DCDC1: variants seen among roughly 807,000 people sequenced by gnomAD.
The protein encoded by DCDC1 is doublecortin domain containing 1, also known as doublecortin domain-containing protein 1.
DCDC1 carries 200 observed loss-of-function variants against 178.3 expected under a neutral mutation model. The ratio of observed to expected loss-of-function variants is 1.12; its 90% confidence interval spans 1.00 to 1.26. The LOEUF (loss-of-function observed/expected upper bound fraction) is 1.26, where lower values mean the gene tolerates loss of function less well. Among genes scored for constraint, DCDC1 ranks in the 50% most tolerant of loss-of-function variants. DCDC1 has a pLI of 0.00. For missense variants in DCDC1, 1,983 were observed against 1,749.2 expected (o/e 1.13, Z -2.38); for synonymous variants, 690 against 604.8 (o/e 1.14, Z -2.07).
chr11:31,050,672 C>A (rs1955184052), intron 20 of DCDC1, among the ~76,000 whole-genome samples: 1 of 152,180 alleles, frequency 6.6e-6, no homozygotes, highest in South Asian at 2.1e-4. Flanking sequence ...TGATTCATAT[C>A]ACAGAACTCT....
At chr11:31,253,108 G>A (rs753693099) in intron 8 of DCDC1, among the ~76,000 whole-genome samples, 9 of 152,158 alleles carry the variant, frequency 5.9e-5, no homozygotes, top group Non-Finnish European at 1.2e-4. Flanking sequence ...AGAGTGGTCA[G>A]TGAATCATTA....
chr11:31,174,141 C>T (rs1967651192), intron 9 of DCDC1, among the ~76,000 whole-genome samples: 1 of 152,180 alleles, frequency 6.6e-6, no homozygotes, highest in African/African-American at 2.4e-5. Flanking sequence ...GGAGCCCCAC[C>T]CTCCCAGGTG....
intron 18 of DCDC1, among the ~76,000 whole-genome samples, chr11:31,076,539 A>T (rs1235725144): frequency 6.6e-6 from 1 of 151,732 alleles, no homozygotes; most frequent in African/African-American, 2.4e-5. Context: ...TAGAGCTGGG[A>T]TCTTGCCATG....
intron 20 of DCDC1, among the ~76,000 whole-genome samples, chr11:30,971,186 T>C (rs1949756879): frequency 6.6e-6 from 1 of 152,070 alleles, no homozygotes; most frequent in Non-Finnish European, 1.5e-5. Flanking sequence ...ATTCAAAAAA[T>C]TGGATGAAGC....
At chr11:31,252,907 C>T (rs896923090) in intron 8 of DCDC1, among the ~76,000 whole-genome samples, 1 of 151,830 alleles carries the variant, frequency 6.6e-6, no homozygotes, top group Non-Finnish European at 1.5e-5. Context: ...GATTCATGAA[C>T]AAAGTGAGAT....
chr11:31,134,382 T>G (rs1249864264), intron 10 of DCDC1, among the ~76,000 whole-genome samples: 2 of 152,152 alleles, frequency 1.3e-5, no homozygotes, highest in Non-Finnish European at 2.9e-5. Flanking sequence ...CTAAGGCAGG[T>G]CTATCCCTGA....
At chr11:30,873,316 T>C (rs1391859136) in intron 38 of DCDC1, among the ~76,000 whole-genome samples, 1 of 147,818 alleles carries the variant, frequency 6.8e-6, no homozygotes, top group Non-Finnish European at 1.5e-5. Flanking sequence ...TAAAAATGTA[T>C]AAATATATAA....
chr11:31,127,968 C>A (rs994941817), intron 10 of DCDC1, among the ~76,000 whole-genome samples: 1 of 151,998 alleles, frequency 6.6e-6, no homozygotes, highest in Non-Finnish European at 1.5e-5. Flanking sequence ...CAAAATAAAA[C>A]CCTCCTAGGA....
intron 13 of DCDC1, among the ~76,000 whole-genome samples, chr11:31,105,612 G>A: frequency 6.6e-6 from 1 of 151,146 alleles, no homozygotes; most frequent in African/African-American, 2.4e-5. Flanking sequence ...ATTTATCTAT[G>A]GACAAAAACT....
Position 31,187,453 on chromosome 11 carries a change from G to A in DCDC1, c.1222-49669C>T, listed in dbSNP as rs574025563. Among the ~76,000 whole-genome samples, 151 of 152,222 alleles carry A rather than the reference G, an allele frequency of 9.9e-4. 1 individual carries two copies. The highest frequency in any genetic ancestry group is 4.6e-3 in the Admixed American group (71 of 15,288). ...AGGAAATTATTGGCAAGAACAAGAA[G>A]TCACTAGAAGCTCATAGTCACAACC... On this transcript the variant is annotated intron_variant, in intron 9 of 38. Coordinates refer to ENST00000684477, the MANE Select transcript of DCDC1 (RefSeq NM_001387274.1).
chr11:31,154,510 C>CT (rs936813993), intron 9 of DCDC1, among the ~76,000 whole-genome samples: 9 of 152,208 alleles, frequency 5.9e-5, no homozygotes, highest in African/African-American at 2.2e-4. Flanking sequence ...TTGATCCCTT[C>CT]TACCAGACTG....
At chr11:30,908,920 A>G (rs1262427987) in intron 29 of DCDC1, 26 bp downstream of exon 29, 6 of 1,552,490 alleles carry the variant, frequency 3.9e-6, no homozygotes, top group African/African-American at 1.4e-5. Context: ...TTTTTCTTTT[A>G]TCTTTGAGAG....
At chr11:31,337,707 T>C (rs1379240720) in intron 1 of DCDC1, among the ~76,000 whole-genome samples, 1 of 152,044 alleles carries the variant, frequency 6.6e-6, no homozygotes, top group East Asian at 1.9e-4. Flanking sequence ...CTGTCAAAGA[T>C]CAGATTAAGG....
intron 3 of DCDC1, among the ~76,000 whole-genome samples, chr11:31,322,497 C>G (rs1020678097): frequency 6.6e-6 from 1 of 152,034 alleles, no homozygotes; most frequent in East Asian, 1.9e-4. Context: ...TTCCCTTGAC[C>G]CTGGCAGGTT....
intron 10 of DCDC1, among the ~76,000 whole-genome samples, chr11:31,131,427 C>A (rs1226972270): frequency 5.3e-5 from 8 of 152,190 alleles, no homozygotes; most frequent in East Asian, 3.9e-4. Context: ...GTTAATTCTA[C>A]AAGAAAGTTG....
chr11:30,943,768 A>G (rs983351400), intron 21 of DCDC1: 1 of 350,018 alleles, frequency 2.9e-6, no homozygotes, highest in Non-Finnish European at 5.6e-6. Flanking sequence ...TAGATATATT[A>G]AATGCTGTTT....
intron 20 of DCDC1, among the ~76,000 whole-genome samples, chr11:31,039,553 C>T (rs887579880): frequency 6.6e-5 from 10 of 151,992 alleles, no homozygotes; most frequent in Admixed American, 4.6e-4. Context: ...TCCTCGCCAA[C>T]AACATGGTAG....
rs749150731 is a variant in DCDC1 at position 31,305,790 on chromosome 11, A to C, written c.592-13T>G. ...ACTCCTCCAGCAGCTAGAAGAAAGC[A>C]AGAGGTAAGTCAAAGTGATTTACTA... On this transcript the variant is annotated splice_polypyrimidine_tract_variant and intron_variant, in intron 5 of 38. Transcript: ENST00000684477. The C allele has an allele frequency of 6.2e-6, 10 of 1,611,632 alleles. No individual in the cohort carries two copies. In the East Asian group the frequency reaches 2.2e-4, roughly 36 times the overall value.
intron 20 of DCDC1, among the ~76,000 whole-genome samples, chr11:30,993,034 T>G (rs866389795): frequency 6.6e-6 from 1 of 152,058 alleles, no homozygotes. Flanking sequence ...TTTCCTAAAT[T>G]TTAATATTTA....
Sources: gnomAD v4.1 joint callset for allele counts (sites outside exome capture counted in the v4.1 genomes callset) on GRCh38, gnomAD v4.1.1 for gene constraint, MANE v1.5 for transcripts, NCBI Gene and HGNC (gene_info 2026-07-23, HGNC 2026-07-21) for gene names.